NDUFB3: variants seen among roughly 807,000 people sequenced by gnomAD.
The protein encoded by NDUFB3 is NADH dehydrogenase [ubiquinone] 1 beta subcomplex subunit 3.
Under a neutral mutation model 9.0 loss-of-function variants are expected in NDUFB3, and 7 were observed. The ratio of observed to expected loss-of-function variants is 0.78; its 90% CI spans 0.44 to 1.46. The LOEUF (loss-of-function observed/expected upper bound fraction) is 1.46, where lower values mean the gene tolerates loss of function less well. Ranked by LOEUF, NDUFB3 falls within the 40% of genes most tolerant of loss-of-function variation. The pLI, the probability that NDUFB3 is intolerant of heterozygous loss-of-function variation, is 0.01. For missense variants in NDUFB3, 93 were observed against 115.4 expected, an observed-to-expected ratio of 0.81 and a Z score of 0.89; for synonymous variants, 29 against 38.5, an observed-to-expected ratio of 0.75 and a Z score of 0.91.
intron 2 of NDUFB3, among the ~76,000 whole-genome samples, chr2:201,083,058 T>G (rs1331504034): frequency 6.6e-6 from 1 of 152,210 alleles, no homozygotes; most frequent in Non-Finnish European, 1.5e-5. Flanking sequence ...TACAGATTTC[T>G]TAGAATGTTC....
At chr2:201,083,355 T>TTC (rs1295540342) in intron 2 of NDUFB3, among the ~76,000 whole-genome samples, 1 of 147,968 alleles carries the variant, frequency 6.8e-6, no homozygotes, top group Non-Finnish European at 1.5e-5. Context: ...TTATTTCTTT[T>TTC]TTTTTTTTTT....
intron 2 of NDUFB3, 66 bp downstream of exon 2, chr2:201,079,088 AATGTATTCTCCTTAGAGAATC>A: frequency 6.7e-7 from 1 of 1,494,654 alleles, no homozygotes; most frequent in Non-Finnish European, 9.0e-7. Flanking sequence ...GTTGCTTTTC[AATGTATTCTCCTTAGAGAATC>A]ATGAAAAATG....
chr2:201,079,060 A>G, intron 2 of NDUFB3, 38 bp downstream of exon 2: 1 of 1,573,840 alleles, frequency 6.4e-7, no homozygotes, highest in South Asian at 1.2e-5. Context: ...AATGTATCCT[A>G]GAGAATCAAG....
intron 2 of NDUFB3, among the ~76,000 whole-genome samples, chr2:201,081,881 T>TCTCCG (rs1367498125): frequency 1.3e-5 from 2 of 150,754 alleles, no homozygotes; most frequent in Non-Finnish European, 2.9e-5. Context: ...AGTGGCACGA[T>TCTCCG]CTCCGCTCAC....
chr2:201,079,378 C>T (rs895099636), intron 2 of NDUFB3, among the ~76,000 whole-genome samples: 1 of 151,752 alleles, frequency 6.6e-6, no homozygotes, highest in Non-Finnish European at 1.5e-5. Flanking sequence ...CTCCTGACCT[C>T]GTGATCCACC....
At chr2:201,074,830 A>G (rs1432951579) in intron 1 of NDUFB3, among the ~76,000 whole-genome samples, 1 of 152,206 alleles carries the variant, frequency 6.6e-6, no homozygotes, top group East Asian at 1.9e-4. Context: ...CCTAAGTATG[A>G]AAGTAGAAGG....
intron 1 of NDUFB3, among the ~76,000 whole-genome samples, chr2:201,078,195 G>A (rs533946191): frequency 6.6e-6 from 1 of 152,084 alleles, no homozygotes; most frequent in Non-Finnish European, 1.5e-5. Flanking sequence ...CCAGCTACTC[G>A]CCAGGCTGAG....
intron 2 of NDUFB3, among the ~76,000 whole-genome samples, chr2:201,080,699 C>CTTTTTTT (rs58130221): frequency 1.0e-5 from 1 of 99,010 alleles, no homozygotes; most frequent in African/African-American, 4.5e-5. Context: ...AGATCTCCAA[C>CTTTTTTT]TTTTTTTTTT....
intron 1 of NDUFB3, among the ~76,000 whole-genome samples, chr2:201,075,779 T>TTA (rs1333144727): frequency 6.6e-6 from 1 of 152,138 alleles, no homozygotes; most frequent in Non-Finnish European, 1.5e-5. Flanking sequence ...GAAATAGTCT[T>TTA]TATACCATGG....
chr2:201,072,866 GAACATGCAGTCTT>G (rs1343844655), intron 1 of NDUFB3, among the ~76,000 whole-genome samples: 13 of 152,200 alleles, frequency 8.5e-5, no homozygotes, highest in African/African-American at 3.1e-4. Flanking sequence ...CAATAACTTA[GAACATGCAGTCTT>G]AACAGGGGTG....
At chr2:201,084,001 CAA>C (rs1309313182) in intron 2 of NDUFB3, among the ~76,000 whole-genome samples, 1 of 151,466 alleles carries the variant, frequency 6.6e-6, no homozygotes, top group Non-Finnish European at 1.5e-5. Context: ...ACTAAAATTA[CAA>C]AAATTGGCCG....
chr2:201,075,776 T>A (rs1450709902), intron 1 of NDUFB3, among the ~76,000 whole-genome samples: 1 of 152,116 alleles, frequency 6.6e-6, no homozygotes, highest in Non-Finnish European at 1.5e-5. Flanking sequence ...TTTGAAATAG[T>A]CTTTATACCA....
chr2:201,085,553 G>T lies in NDUFB3; in HGVS notation c.235G>T (p.Val79Leu). 6.2e-7 allele frequency: 1 copy of T among 1,612,758 alleles called. No homozygotes were observed. The highest frequency in any genetic ancestry group is 1.1e-5 in the South Asian group (1 of 91,018). The change falls in exon 3 of 3, where the codon GTG (valine) becomes TTG (leucine). Residue 79 changes from valine to leucine, a missense_variant. Transcript: ENST00000237889. ...ATTCAAATGGGGATTTGCTGCATTT[G>T]TGGTAGCTGTAGGAGCTGAATATTA... The part of the protein sequence containing the change: ...KGFKWGFAAF[V>L]VAVGAEYYLE...
chr2:201,074,456 T>C (rs1013071175), intron 1 of NDUFB3, among the ~76,000 whole-genome samples: 229 of 143,414 alleles, frequency 1.6e-3, no homozygotes, highest in Non-Finnish European at 2.7e-3. Flanking sequence ...ATGTTCAGCT[T>C]TTTTTTTTTT....
At chr2:201,083,309 T>C (rs945906425) in intron 2 of NDUFB3, among the ~76,000 whole-genome samples, 7 of 151,936 alleles carry the variant, frequency 4.6e-5, no homozygotes, top group Non-Finnish European at 8.8e-5. Context: ...GAGGAATTTC[T>C]CTCTATTTCT....
chr2:201,077,926 T>G (rs1318596586), intron 1 of NDUFB3, among the ~76,000 whole-genome samples: 2 of 152,198 alleles, frequency 1.3e-5, no homozygotes, highest in Non-Finnish European at 2.9e-5. Context: ...AAGAAAATTT[T>G]TAAAACAGGA....
chr2:201,074,843 C>T (rs1336189324), intron 1 of NDUFB3, among the ~76,000 whole-genome samples: 6 of 152,174 alleles, frequency 3.9e-5, no homozygotes, highest in Non-Finnish European at 7.3e-5. Context: ...GTAGAAGGCA[C>T]ATCACAATGT....
At chr2:201,077,757 G>A (rs10194347) in intron 1 of NDUFB3, among the ~76,000 whole-genome samples, 25,831 of 151,966 alleles carry the variant, frequency 0.17, 2,401 homozygotes, top group African/African-American at 0.21. Flanking sequence ...AGGTATTTGC[G>A]GTAGTGTGTT....
intron 1 of NDUFB3, among the ~76,000 whole-genome samples, chr2:201,075,083 C>T (rs777786343): frequency 6.6e-6 from 1 of 150,752 alleles, no homozygotes; most frequent in Admixed American, 6.6e-5. Context: ...CCATGGCTCA[C>T]GCCTGTAGTC....
Sources: allele counts gnomAD v4.1 joint callset (sites outside exome capture counted in the v4.1 genomes callset), GRCh38; gene constraint gnomAD v4.1.1; transcripts MANE v1.5; gene names NCBI Gene and HGNC (gene_info 2026-07-23, HGNC 2026-07-21).